Variants in THSD7A observed in about 807,000 individuals in gnomAD.
THSD7A encodes the protein thrombospondin type 1 domain containing 7A.
A neutral mutation model predicts 231.3 loss-of-function variants in THSD7A; 96 were observed. The ratio of observed to expected loss-of-function variants is 0.41; its 90% CI spans 0.35 to 0.49. THSD7A has a LOEUF of 0.49. Among genes scored for constraint, THSD7A ranks in the 20% least tolerant of loss-of-function variants. The pLI, the probability that THSD7A is intolerant of heterozygous loss-of-function variation, is 0.05. For missense variants in THSD7A, 2,290 were observed against 2,070.2 expected (o/e 1.11, Z -2.06); for synonymous variants, 940 against 743.3 (o/e 1.26, Z -4.30).
At chr7:11,522,600 TAGAGA>T (rs1788311278) in intron 6 of THSD7A, among the ~76,000 whole-genome samples, 1 of 150,970 alleles carries the variant, frequency 6.6e-6, no homozygotes, top group Non-Finnish European at 1.5e-5. Context: ...TTATTCTTAT[TAGAGA>T]ATTTTGTATC....
At chr7:11,459,194 C>A (rs1785411605) in intron 11 of THSD7A, among the ~76,000 whole-genome samples, 1 of 151,808 alleles carries the variant, frequency 6.6e-6, no homozygotes, top group Admixed American at 6.6e-5. Flanking sequence ...TTGGTCCAAA[C>A]CCCTCTTTTT....
chr7:11,382,581 C>T lies in THSD7A; in HGVS notation c.4447G>A (p.Ala1483Thr), dbSNP rs756022113. ...ACTGTTCGGGAAGAGCCCTTCCAAGCACTGGCCATCCATTTATATTCATAG... is the reference window on the plus strand; with the variant it reads ...ACTGTTCGGGAAGAGCCCTTCCAAGTACTGGCCATCCATTTATATTCATAG... ...QCYEYKWMASAWKGSSRTVWC... is the reference protein window; with the variant it reads ...QCYEYKWMASTWKGSSRTVWC... The change falls in exon 24 of 28, where the codon GCT (alanine) becomes ACT (threonine). Residue 1483 changes from alanine (A) to threonine (T), a missense_variant. Coordinates refer to ENST00000423059, the MANE Select transcript of THSD7A (RefSeq NM_015204.3). 6.2e-7 allele frequency: 1 copy of T among 1,612,904 alleles called. No individual in the cohort carries two copies. Among genetic ancestry groups the T allele is most frequent in the East Asian group, 2.2e-5 (1 of 44,836 alleles).
At chr7:11,495,732 G>T (rs1787070116) in intron 6 of THSD7A, among the ~76,000 whole-genome samples, 1 of 152,134 alleles carries the variant, frequency 6.6e-6, no homozygotes, top group Admixed American at 6.6e-5. Flanking sequence ...AACAAGGAGA[G>T]AAGATGCAGG....
intron 1 of THSD7A, among the ~76,000 whole-genome samples, chr7:11,732,844 A>G (rs1781781937): frequency 6.6e-6 from 1 of 151,788 alleles, no homozygotes; most frequent in Admixed American, 6.6e-5. Flanking sequence ...TATTCCTCAT[A>G]CAGATTCTTT....
In THSD7A at chr7:11,563,786, A is replaced by G. The variant is rs577704817; in HGVS notation, c.1454-20669T>C. Among the ~76,000 whole-genome samples, 100 of 152,282 alleles carry G rather than the reference A, an allele frequency of 6.6e-4. 1 individual carries two copies. The highest frequency in any genetic ancestry group is 3.4e-3 in the Middle Eastern group (1 of 294). On this transcript the variant is annotated intron_variant, in intron 4 of 27. Transcript: ENST00000423059. ...TCATAATCAATATCTTCAGTATCCA[A>G]TCAACTACTCTGTGCAGTTCATGAA... is the stretch of plus-strand genomic sequence containing the variant.
intron 1 of THSD7A, among the ~76,000 whole-genome samples, chr7:11,653,882 CA>C (rs1448915941): frequency 2.0e-5 from 3 of 151,840 alleles, no homozygotes; most frequent in African/African-American, 7.3e-5. Context: ...TATAAAAATA[CA>C]ATGAAATTGA....
intron 1 of THSD7A, among the ~76,000 whole-genome samples, chr7:11,768,049 A>C (rs1215259808): frequency 6.6e-6 from 1 of 152,312 alleles, no homozygotes; most frequent in Non-Finnish European, 1.5e-5. Flanking sequence ...AAGGATTTAG[A>C]ATAAATGTAA....
chr7:11,797,979 G>T (rs1245182584), intron 1 of THSD7A, among the ~76,000 whole-genome samples: 1 of 151,926 alleles, frequency 6.6e-6, no homozygotes, highest in Non-Finnish European at 1.5e-5. Flanking sequence ...CAGCCATCTC[G>T]AATTTCACTT....
intron 9 of THSD7A, among the ~76,000 whole-genome samples, chr7:11,464,821 A>T (rs963730483): frequency 6.6e-6 from 1 of 152,152 alleles, no homozygotes; most frequent in South Asian, 2.1e-4. Context: ...AATGACATCT[A>T]TGTTTTTACC....
chr7:11,405,163 T>C (rs891242785), intron 22 of THSD7A, among the ~76,000 whole-genome samples: 8 of 151,630 alleles, frequency 5.3e-5, no homozygotes, highest in African/African-American at 1.9e-4. Flanking sequence ...TTTTTTTTTT[T>C]TTTTACGAAG....
In THSD7A at chr7:11,446,410, T is replaced by C; in HGVS notation, c.2801-86A>G. 7.2e-7 allele frequency: 1 copy of C among 1,393,918 alleles called. No homozygotes were observed. The highest frequency in any genetic ancestry group is 9.7e-7 in the Non-Finnish European group (1 of 1,032,162). 86.3% of individuals were successfully genotyped at this position (1,393,918 alleles called of 1,614,324 possible). A position where few individuals can be genotyped will look rare whatever the true frequency, so the allele number is the denominator to read the frequency against. On this transcript the variant is annotated intron_variant, in intron 12 of 27. Coordinates refer to ENST00000423059, the MANE Select transcript of THSD7A (RefSeq NM_015204.3). The surrounding 1 kb of genome is among the most constrained non-coding windows in gnomAD (Gnocchi z 4.0). ...TCCCTAAATTTTCTGCTTTCCTAAT[T>C]TCTTTTTCTTCATTTTTAACCATAT... is the stretch of plus-strand genomic sequence containing the variant.
intron 13 of THSD7A, among the ~76,000 whole-genome samples, chr7:11,442,481 A>G (rs1322731010): frequency 6.6e-6 from 1 of 152,036 alleles, no homozygotes; most frequent in Non-Finnish European, 1.5e-5. Context: ...ACGGGGATCA[A>G]TTTTGTCTTT....
At chr7:11,829,323 G>A (rs925557428) in intron 1 of THSD7A, among the ~76,000 whole-genome samples, 1 of 151,988 alleles carries the variant, frequency 6.6e-6, no homozygotes, top group Non-Finnish European at 1.5e-5. Context: ...TCTGACATAT[G>A]CATTCATATA....
chr7:11,605,139 ATATT>A (rs1336809496), intron 2 of THSD7A, among the ~76,000 whole-genome samples: 4 of 152,120 alleles, frequency 2.6e-5, no homozygotes, highest in Non-Finnish European at 5.9e-5. Context: ...TAGAATTGAC[ATATT>A]TAAACTCTCT....
chr7:11,767,427 C>T (rs2128170250), intron 1 of THSD7A, among the ~76,000 whole-genome samples: 1 of 152,284 alleles, frequency 6.6e-6, no homozygotes, highest in Non-Finnish European at 1.5e-5. Context: ...TCTGCACTGC[C>T]TGTTCCCTTA....
At chr7:11,672,582 TTTA>T (rs1783436384) in intron 1 of THSD7A, among the ~76,000 whole-genome samples, 1 of 152,216 alleles carries the variant, frequency 6.6e-6, no homozygotes, top group Admixed American at 6.5e-5. Flanking sequence ...ATGTCACATC[TTTA>T]TTATCAATAT....
At chr7:11,647,720 G>C (rs1435704496) in intron 1 of THSD7A, among the ~76,000 whole-genome samples, 1 of 152,122 alleles carries the variant, frequency 6.6e-6, no homozygotes, top group East Asian at 1.9e-4. Flanking sequence ...GCATATGCAG[G>C]TAAGTGTCAA....
At chr7:11,527,326 C>T (rs762876455) in intron 6 of THSD7A, among the ~76,000 whole-genome samples, 1 of 151,668 alleles carries the variant, frequency 6.6e-6, no homozygotes, top group Non-Finnish European at 1.5e-5. Flanking sequence ...AGTGTTCTGT[C>T]CAAAGGGAGA....
At chr7:11,588,332 A>C (rs922274117) in intron 4 of THSD7A, among the ~76,000 whole-genome samples, 4 of 152,162 alleles carry the variant, frequency 2.6e-5, no homozygotes, top group African/African-American at 9.7e-5. Flanking sequence ...GGTGGAATAA[A>C]TGCTACATTT....
Sources: gnomAD v4.1 joint callset for allele counts (sites outside exome capture counted in the v4.1 genomes callset) on GRCh38, gnomAD v4.1.1 for gene constraint, Gnocchi (gnomAD v3.1) non-coding constraint, MANE v1.5 for transcripts, NCBI Gene and HGNC (gene_info 2026-07-23, HGNC 2026-07-21) for gene names.